The following COL19A1 variants were observed in gnomAD, a reference collection of about 807,000 sequenced individuals.
COL19A1 encodes collagen type XIX alpha 1 chain.
COL19A1 carries 159 observed loss-of-function variants against 190.2 expected under a neutral mutation model. That is an observed-to-expected ratio of 0.84 (90% confidence interval 0.73 to 0.95). COL19A1 has a LOEUF of 0.95. Among genes scored for constraint, COL19A1 ranks in the 40% least tolerant of loss-of-function variants. The pLI, the probability that COL19A1 is intolerant of heterozygous loss-of-function variation, is 0.00. For synonymous variants in COL19A1, 509 were observed against 458.9 expected (o/e 1.11, Z -1.39); for missense variants, 1,418 against 1,431.9 (o/e 0.99, Z 0.16).
chr6:69,966,961 A>G (rs1411381138), intron 11 of COL19A1, among the ~76,000 whole-genome samples: 2 of 152,160 alleles, frequency 1.3e-5, no homozygotes, highest in African/African-American at 2.4e-5. Context: ...TCATTATACC[A>G]TTCAATATTT....
intron 11 of COL19A1, among the ~76,000 whole-genome samples, chr6:70,016,390 G>A (rs1377031722): frequency 9.4e-5 from 9 of 95,630 alleles, no homozygotes; most frequent in South Asian, 3.2e-4. Flanking sequence ...AAAAACACAT[G>A]AAAAAAAAAA....
rs1218260855 is a variant in COL19A1 at position 70,210,261 on chromosome 6, T to C, written c.*2987T>C. ...ACACTTTCAGATAGAAGTCTTTCTA[T>C]GCAAAGATTAAAGTATGACTTCAAT... On this transcript the variant is annotated 3_prime_UTR_variant, in exon 51 of 51. Transcript: ENST00000620364. 6.6e-6 allele frequency among the ~76,000 whole-genome samples: 1 copy of C among 152,186 alleles called. No homozygotes were observed. Among genetic ancestry groups the C allele is most frequent in the Non-Finnish European group, 1.5e-5 (1 of 68,006 alleles).
chr6:70,121,492 G>A (rs550842946), intron 16 of COL19A1, among the ~76,000 whole-genome samples: 1 of 152,054 alleles, frequency 6.6e-6, no homozygotes, highest in Non-Finnish European at 1.5e-5. Flanking sequence ...ATAACATGTG[G>A]GAACACACAG....
chr6:69,886,955 T>A (rs537133709), intron 2 of COL19A1, among the ~76,000 whole-genome samples: 275 of 152,320 alleles, frequency 1.8e-3, no homozygotes, highest in African/African-American at 6.4e-3. Context: ...AGTTTTATTT[T>A]TTTTCAGCTT....
In COL19A1 at chr6:69,915,970, G is replaced by T. The variant is rs537150597; in HGVS notation, c.267-11939G>T. 9.3e-5 allele frequency among the ~76,000 whole-genome samples: 11 copies of T among 117,880 alleles called. No homozygotes were observed. The East Asian group carries it at 2.7e-3, about 29-fold the overall frequency. 77.3% of individuals were successfully genotyped at this position (117,880 alleles called of 152,430 possible). ...TTTTTTTTTTTTTAGACAGAGTCTT[G>T]CTGTCGCCCAGGCTGGAGTGCAGTG... On this transcript the variant is annotated intron_variant, in intron 4 of 50. Transcript: ENST00000620364.
intron 15 of COL19A1, among the ~76,000 whole-genome samples, chr6:70,088,697 G>A (rs1361583801): frequency 1.3e-5 from 2 of 152,158 alleles, no homozygotes; most frequent in Non-Finnish European, 1.5e-5. Context: ...TTATATTGAG[G>A]AAAGAAGAGA....
At chr6:70,112,748 C>T (rs1784354617) in intron 16 of COL19A1, among the ~76,000 whole-genome samples, 1 of 152,216 alleles carries the variant, frequency 6.6e-6, no homozygotes, top group South Asian at 2.1e-4. Context: ...CATCCTCCCA[C>T]TTCTGTTCCA....
intron 42 of COL19A1, among the ~76,000 whole-genome samples, chr6:70,179,638 G>T (rs1005729718): frequency 6.6e-6 from 1 of 152,134 alleles, no homozygotes; most frequent in Non-Finnish European, 1.5e-5. Context: ...AAACTTATTT[G>T]ATGCTTTGTG....
At chr6:69,972,239 T>G (rs1775469203) in intron 11 of COL19A1, among the ~76,000 whole-genome samples, 1 of 152,218 alleles carries the variant, frequency 6.6e-6, no homozygotes, top group Admixed American at 6.5e-5. Context: ...AATCAAAATC[T>G]GCTCCTTCTG....
chr6:69,879,579 T>C lies in COL19A1; in HGVS notation c.12T>C (p.Thr4=), dbSNP rs1768368963. 6.2e-7 allele frequency: 1 copy of C among 1,614,138 alleles called. No individual in the cohort carries two copies. Among genetic ancestry groups the C allele is most frequent in the Non-Finnish European group, 8.5e-7 (1 of 1,180,002 alleles). ...GGTTTCAAGGCACAATGAGACTCAC[T>C]GGCCCTTGGAAACTTTGGCTTTGGA... MRL[T]GPWKLWLWMS... Residue 4 remains threonine, a synonymous_variant, in exon 2 of 51, where the codon ACT becomes ACC. Transcript: ENST00000620364.
At position 70,142,748 on chromosome 6, in the gene COL19A1, A is replaced by G. The variant is rs765983685; in HGVS notation, c.1573-19A>G. The G allele has an allele frequency of 1.2e-6, 2 of 1,606,648 alleles. No homozygotes were observed. Among genetic ancestry groups the G allele is most frequent in the Admixed American group, 3.4e-5 (2 of 58,660 alleles). The stretch of plus-strand genomic sequence containing the variant: ...TTCTTTTTTAGCAAAGCTAAAGTAT[A>G]TACCACCTTTTATTTTAGGGTCAGC... On this transcript the variant is annotated intron_variant, in intron 22 of 50. Coordinates refer to ENST00000620364, the MANE Select transcript of COL19A1 (RefSeq NM_001858.6).
At chr6:70,185,190 T>C in intron 46 of COL19A1, among the ~76,000 whole-genome samples, 1 of 152,230 alleles carries the variant, frequency 6.6e-6, no homozygotes, top group African/African-American at 2.4e-5. Flanking sequence ...CTTAGACATA[T>C]ATCTCTACTA....
chr6:69,975,615 C>T (rs527653206), intron 11 of COL19A1, among the ~76,000 whole-genome samples: 1 of 152,128 alleles, frequency 6.6e-6, no homozygotes, highest in African/African-American at 2.4e-5. Flanking sequence ...GGGATTTAAG[C>T]CTGATGTTTC....
At chr6:70,046,415 C>G (rs1054480340) in intron 14 of COL19A1, among the ~76,000 whole-genome samples, 3 of 152,280 alleles carry the variant, frequency 2.0e-5, no homozygotes, top group Non-Finnish European at 2.9e-5. Flanking sequence ...CAAAGTCTTA[C>G]AGGATTCAAC....
intron 15 of COL19A1, among the ~76,000 whole-genome samples, chr6:70,092,990 A>G (rs1045625850): frequency 6.6e-6 from 1 of 152,154 alleles, no homozygotes; most frequent in Non-Finnish European, 1.5e-5. Context: ...TAACATTTCT[A>G]TTAAATAAGA....
chr6:70,211,264 A>C lies in COL19A1; in HGVS notation c.*3990A>C, dbSNP rs1236417886. On this transcript the variant is annotated 3_prime_UTR_variant, in exon 51 of 51. Coordinates refer to ENST00000620364, the MANE Select transcript of COL19A1 (RefSeq NM_001858.6). The stretch of plus-strand genomic sequence containing the variant: ...CGTTTTTATTTTCATAACACTAATA[A>C]TACACTGGGATTGAGAATTTCTGTT... Among the ~76,000 whole-genome samples, 1 of 152,070 alleles carries C rather than the reference A, an allele frequency of 6.6e-6. No individual in the cohort carries two copies. Among genetic ancestry groups the C allele is most frequent in the African/African-American group, 2.4e-5 (1 of 41,430 alleles).
chr6:70,199,826 G>A (rs1767440720), intron 49 of COL19A1, 90 bp downstream of exon 49: 1 of 1,288,834 alleles, frequency 7.8e-7, no homozygotes, highest in Non-Finnish European at 1.1e-6. Flanking sequence ...AAGTATGTAT[G>A]TATGTCCTTT....
intron 14 of COL19A1, among the ~76,000 whole-genome samples, chr6:70,066,996 G>A (rs890747896): frequency 1.3e-5 from 2 of 152,108 alleles, no homozygotes; most frequent in African/African-American, 2.4e-5. Flanking sequence ...GCCAGTAACA[G>A]GCACATACCG....
chr6:70,063,789 G>A (rs992492850), intron 14 of COL19A1, among the ~76,000 whole-genome samples: 1 of 152,108 alleles, frequency 6.6e-6, no homozygotes, highest in African/African-American at 2.4e-5. Flanking sequence ...AAATGATAAA[G>A]GGGATATCAC....
Sources: allele counts gnomAD v4.1 joint callset (sites outside exome capture counted in the v4.1 genomes callset), GRCh38; gene constraint gnomAD v4.1.1; transcripts MANE v1.5; gene names NCBI Gene and HGNC (gene_info 2026-07-23, HGNC 2026-07-21).